Variants in FLRT1 observed in about 807,000 individuals in gnomAD.
FLRT1 encodes leucine-rich repeat transmembrane protein FLRT1.
A neutral mutation model predicts 30.9 loss-of-function variants in FLRT1; 14 were observed. The observed-to-expected ratio is 0.45, with a 90% CI of 0.30 to 0.71. FLRT1 has a LOEUF of 0.71. Among genes scored for constraint, FLRT1 ranks in the 30% least tolerant of loss-of-function variants. The pLI is 0.08. For missense variants in FLRT1, 737 were observed against 949.2 expected (o/e 0.78, Z 2.94); for synonymous variants, 368 against 430.4 (o/e 0.85, Z 1.80).
chr11:64,078,693 A>G (rs1944248666), intron 1 of FLRT1, among the ~76,000 whole-genome samples: 1 of 152,068 alleles, frequency 6.6e-6, no homozygotes, highest in South Asian at 2.1e-4. Context: ...GAGGTGCCCC[A>G]GCAGCAAAGG....
In FLRT1 at chr11:64,064,914, G is replaced by A. The variant is rs1943969096; in HGVS notation, c.-1038+28755G>A. On this transcript the variant is annotated intron_variant, in intron 1 of 2. Transcript: ENST00000682287. The surrounding 1 kb of genome is among the most constrained non-coding windows in gnomAD (Gnocchi z 4.5). ...CCAGAGCCCACCTATGACGTGCCAG[G>A]CAAGGCGGCAGGCAGGAGGGCCACC... is the stretch of plus-strand genomic sequence containing the variant. Among the ~76,000 whole-genome samples the A allele has an allele frequency of 6.6e-6, 1 of 152,148 alleles. No individual in the cohort carries two copies. The highest frequency in any genetic ancestry group is 1.5e-5 in the Non-Finnish European group (1 of 68,006).
rs1209015087 is a variant in FLRT1, at chr11:64,096,357, G to A, written c.-1037-6837G>A. ...GACACGGTCCCTAATGGGCACGGGC[G>A]ACGCATTACAGTGAGGTCTGCCAGG... is the stretch of plus-strand genomic sequence containing the variant. On this transcript the variant is annotated intron_variant, in intron 1 of 2. Transcript: ENST00000682287. The surrounding 1 kb of genome is among the most constrained non-coding windows in gnomAD (Gnocchi z 4.6). Among the ~76,000 whole-genome samples the A allele has an allele frequency of 2.6e-5, 4 of 152,018 alleles. No individual in the cohort carries two copies. The highest frequency in any genetic ancestry group is 4.8e-5 in the African/African-American group (2 of 41,424).
rs1361807960 is a variant in FLRT1, at chr11:64,082,353, A to AC, written c.-1037-20840dup. On this transcript the variant is annotated intron_variant, in intron 1 of 2. Coordinates refer to ENST00000682287, the MANE Select transcript of FLRT1 (RefSeq NM_013280.5). This position sits in a 1 kb window ranked among gnomAD's most constrained non-coding sequence, Gnocchi z 4.5. ...ATCCGGGGGGACCGTGGAAGGCAGGACGGGGGCCAGGAGCATGGCTGGAGT... is the reference window on the plus strand; with the variant it reads ...ATCCGGGGGGACCGTGGAAGGCAGGACCGGGGGCCAGGAGCATGGCTGGAGT... 6.6e-6 allele frequency among the ~76,000 whole-genome samples: 1 copy of AC among 151,048 alleles called. No individual in the cohort carries two copies. The highest frequency in any genetic ancestry group is 1.5e-5 in the Non-Finnish European group (1 of 67,702).
rs547035931 is a variant in FLRT1 at position 64,070,669 on chromosome 11, G to A, written c.-1037-32525G>A. On this transcript the variant is annotated intron_variant, in intron 1 of 2. Coordinates refer to ENST00000682287, the MANE Select transcript of FLRT1 (RefSeq NM_013280.5). ...CTGGGGCCTCAGGGGCCTCCCAGCTGATCGGGGCAGATTTAACAGGACTTT... is the reference window on the plus strand; with the variant it reads ...CTGGGGCCTCAGGGGCCTCCCAGCTAATCGGGGCAGATTTAACAGGACTTT... 1.2e-4 allele frequency among the ~76,000 whole-genome samples: 18 copies of A among 152,350 alleles called. No individual in the cohort carries two copies. The East Asian group carries it at 1.9e-3, about 16-fold the overall frequency.
intron 1 of FLRT1, among the ~76,000 whole-genome samples, chr11:64,081,358 G>A (rs78738526): frequency 6.6e-6 from 1 of 152,080 alleles, no homozygotes; most frequent in Non-Finnish European, 1.5e-5. Flanking sequence ...CCATGAACTC[G>A]CATATCCTGA....
intron 1 of FLRT1, among the ~76,000 whole-genome samples, chr11:64,086,105 T>C (rs1430222775): frequency 6.6e-6 from 1 of 152,108 alleles, no homozygotes; most frequent in Non-Finnish European, 1.5e-5. Flanking sequence ...GGCCAGGCCA[T>C]GAGCACTCAG....
chr11:64,040,513 G>A (rs1014285513), intron 1 of FLRT1, among the ~76,000 whole-genome samples: 9 of 152,178 alleles, frequency 5.9e-5, no homozygotes, highest in Non-Finnish European at 1.3e-4. Flanking sequence ...TCTGCCTCAG[G>A]GACCCTCTGC....
At chr11:64,052,353 T>G (rs551400389) in intron 1 of FLRT1, among the ~76,000 whole-genome samples, 17 of 152,242 alleles carry the variant, frequency 1.1e-4, no homozygotes, top group African/African-American at 3.6e-4. Context: ...TTTTAAAAAT[T>G]TTTAAAGAGA....
rs749791643 is a variant in FLRT1 at position 64,116,777 on chromosome 11, G to T, written c.510G>T (p.Glu170Asp). 4.3e-6 allele frequency: 7 copies of T among 1,613,502 alleles called. No individual in the cohort carries two copies. The highest frequency in any genetic ancestry group is 1.3e-5 in the African/African-American group (1 of 74,930). ...CCGTGTCCACCGTCAGCATTGAGGA[G>T]GACGCCTTCGCCGACAGCAAACAGC... ...DNSVSTVSIEEDAFADSKQLK... is the reference protein window; with the variant it reads ...DNSVSTVSIEDDAFADSKQLK... Residue 170 changes from glutamate (E) to aspartate (D), a missense_variant, in exon 3 of 3, where the codon GAG becomes GAT. Transcript: ENST00000682287.
intron 1 of FLRT1, among the ~76,000 whole-genome samples, chr11:64,091,570 C>T (rs1175399038): frequency 1.3e-5 from 2 of 152,068 alleles, no homozygotes; most frequent in Non-Finnish European, 2.9e-5. Context: ...GTCCTTCGGG[C>T]GTTTGCACAG....
intron 1 of FLRT1, among the ~76,000 whole-genome samples, chr11:64,061,251 G>A (rs1009336550): frequency 3.9e-5 from 6 of 152,378 alleles, no homozygotes; most frequent in Admixed American, 3.9e-4. Context: ...CGATCACGCG[G>A]TGTAATTGCT....
At chr11:64,063,306 A>G (rs959100355) in intron 1 of FLRT1, among the ~76,000 whole-genome samples, 3 of 152,136 alleles carry the variant, frequency 2.0e-5, no homozygotes, top group Non-Finnish European at 2.9e-5. Context: ...CAAATGAGTT[A>G]ACAGTTGTAA....
chr11:64,086,343 C>T (rs1376802169), intron 1 of FLRT1, among the ~76,000 whole-genome samples: 6 of 152,004 alleles, frequency 3.9e-5, no homozygotes, highest in African/African-American at 1.5e-4. Context: ...AGTTCTAAGA[C>T]CTGTGAATCT....
intron 1 of FLRT1, among the ~76,000 whole-genome samples, chr11:64,087,703 C>T (rs1478001412): frequency 6.6e-6 from 1 of 152,238 alleles, no homozygotes; most frequent in Non-Finnish European, 1.5e-5. Context: ...CATGATGCTG[C>T]ATGCTTGGCC....
intron 1 of FLRT1, among the ~76,000 whole-genome samples, chr11:64,099,281 C>A (rs527924830): frequency 9.7e-4 from 148 of 152,380 alleles, no homozygotes; most frequent in Non-Finnish European, 1.5e-3. Flanking sequence ...GCCCTGTGTG[C>A]GTCTCACATT....
At chr11:64,061,092 C>T (rs547626824) in intron 1 of FLRT1, among the ~76,000 whole-genome samples, 11 of 152,286 alleles carry the variant, frequency 7.2e-5, no homozygotes, top group African/African-American at 2.4e-4. Context: ...CACCTGAGAG[C>T]CTCGCGCTGG....
At chr11:64,046,200 C>A (rs910132188) in intron 1 of FLRT1, among the ~76,000 whole-genome samples, 5 of 152,196 alleles carry the variant, frequency 3.3e-5, no homozygotes, top group Non-Finnish European at 7.3e-5. Context: ...TTCTCCAGAG[C>A]AGCCGACTCC....
chr11:64,063,917 G>A (rs916745977), intron 1 of FLRT1, among the ~76,000 whole-genome samples: 1 of 152,224 alleles, frequency 6.6e-6, no homozygotes, highest in African/African-American at 2.4e-5. Flanking sequence ...CCTCCCCAGT[G>A]AGCTGCGGAG....
intron 1 of FLRT1, among the ~76,000 whole-genome samples, chr11:64,047,065 A>G (rs1403608384): frequency 1.3e-5 from 2 of 150,286 alleles, no homozygotes; most frequent in Admixed American, 1.3e-4. Flanking sequence ...GCATGCTCAC[A>G]CCTCTGAGCC....
Sources: allele counts gnomAD v4.1 joint callset (sites outside exome capture counted in the v4.1 genomes callset), GRCh38; gene constraint gnomAD v4.1.1; non-coding constraint Gnocchi (gnomAD v3.1); transcripts MANE v1.5; gene names NCBI Gene and HGNC (gene_info 2026-07-23, HGNC 2026-07-21).